The following UNC80 variants were observed in gnomAD, a reference collection of about 807,000 sequenced individuals.
UNC80 encodes the protein protein unc-80 homolog.
Under a neutral mutation model 384.6 loss-of-function variants are expected in UNC80, and 164 were observed. The observed-to-expected ratio is 0.43, with a 90% CI of 0.38 to 0.49. The LOEUF (loss-of-function observed/expected upper bound fraction) is 0.49. Among genes scored for constraint, UNC80 ranks in the 20% least tolerant of loss-of-function variants. The pLI is 0.00. For missense variants in UNC80, 3,330 were observed against 4,143.0 expected, an observed-to-expected ratio of 0.80 and a Z score of 5.39; for synonymous variants, 1,486 against 1,527.8, an observed-to-expected ratio of 0.97 and a Z score of 0.64.
chr2:209,943,201 A>C (rs1349335336), intron 44 of UNC80, among the ~76,000 whole-genome samples, 179 bp from the exon 45 acceptor site: 1 of 152,162 alleles, frequency 6.6e-6, no homozygotes, highest in Non-Finnish European at 1.5e-5. Context: ...GATTTTCAGC[A>C]TTTTGAGGTG....
intron 22 of UNC80, among the ~76,000 whole-genome samples, chr2:209,871,346 T>C (rs1404814159): frequency 1.3e-5 from 2 of 152,124 alleles, no homozygotes; most frequent in Non-Finnish European, 2.9e-5. Flanking sequence ...TCATGCTATA[T>C]GATAGTGAAA....
intron 22 of UNC80, among the ~76,000 whole-genome samples, chr2:209,861,458 A>G (rs2083336670): frequency 6.6e-6 from 1 of 152,168 alleles, no homozygotes; most frequent in Non-Finnish European, 1.5e-5. Flanking sequence ...CCAGTATTTT[A>G]TTGAGGATTT....
chr2:209,836,461 G>A (rs1252247891), intron 18 of UNC80, among the ~76,000 whole-genome samples: 1 of 152,158 alleles, frequency 6.6e-6, no homozygotes, highest in Non-Finnish European at 1.5e-5. Flanking sequence ...ATATTTCTAG[G>A]TTATTAAGTT....
chr2:209,794,476 A>G (rs1454256114), intron 7 of UNC80, among the ~76,000 whole-genome samples: 1 of 152,208 alleles, frequency 6.6e-6, no homozygotes, highest in African/African-American at 2.4e-5. Flanking sequence ...ATTATAGCCT[A>G]GTAATACATA....
intron 61 of UNC80, among the ~76,000 whole-genome samples, chr2:209,985,127 A>T (rs922008265): frequency 6.6e-5 from 10 of 152,218 alleles, no homozygotes; most frequent in Admixed American, 5.9e-4. Context: ...ATGTCAATCA[A>T]GTAAGCCTGA....
intron 52 of UNC80, 122 bp from the exon 53 acceptor site, chr2:209,969,646 G>A (rs2125010876): frequency 1.5e-6 from 2 of 1,360,966 alleles, no homozygotes; most frequent in Non-Finnish European, 2.0e-6. Flanking sequence ...GAACAATATG[G>A]GTAAACTTCA....
intron 8 of UNC80, 128 bp downstream of exon 8, chr2:209,813,969 T>C: frequency 1.7e-6 from 2 of 1,152,978 alleles, no homozygotes; most frequent in South Asian, 3.3e-5. Flanking sequence ...ACACTGTTTC[T>C]ATTATCTTTT....
At chr2:209,953,700 T>C (rs968684946) in intron 47 of UNC80, among the ~76,000 whole-genome samples, 1 of 152,174 alleles carries the variant, frequency 6.6e-6, no homozygotes, top group African/African-American at 2.4e-5. Flanking sequence ...TGAAAGGGTT[T>C]TATGTTGTCT....
At chr2:209,949,514 G>T (rs1024566221) in intron 47 of UNC80, among the ~76,000 whole-genome samples, 1 of 151,954 alleles carries the variant, frequency 6.6e-6, no homozygotes, top group Non-Finnish European at 1.5e-5. Context: ...TCTTGCTCTT[G>T]TTGCCCAGGC....
rs562148567 is a variant in UNC80, at chr2:209,954,819, T to C, written c.7457+549T>C. On this transcript the variant is annotated intron_variant, in intron 48 of 64. Transcript: ENST00000673920. ...TTCTCTGTGGGACAGGATTAAATAA[T>C]GCGGAGAGAGGATTGAGAAATTTGG... Among the ~76,000 whole-genome samples, 134 of 152,260 alleles carry C rather than the reference T, an allele frequency of 8.8e-4. 3 individuals carry two copies. The highest frequency in any genetic ancestry group is 8.8e-3 in the Admixed American group (134 of 15,288).
chr2:209,957,541 A>G (rs1349272597), intron 48 of UNC80, 103 bp from the exon 49 acceptor site: 1 of 1,070,916 alleles, frequency 9.3e-7, no homozygotes, highest in African/African-American at 1.6e-5. Context: ...CTCTAAAACT[A>G]ACTTAAAACT....
intron 13 of UNC80, among the ~76,000 whole-genome samples, 170 bp downstream of exon 13, chr2:209,820,849 G>T (rs759059795): frequency 8.5e-5 from 13 of 152,196 alleles, no homozygotes; most frequent in Non-Finnish European, 1.9e-4. Flanking sequence ...AGCAGAAACA[G>T]TTGAATGCAA....
intron 35 of UNC80, among the ~76,000 whole-genome samples, chr2:209,926,077 T>A (rs2124959207): frequency 6.6e-6 from 1 of 152,356 alleles, no homozygotes; most frequent in East Asian, 1.9e-4. Flanking sequence ...AATTTGTTAT[T>A]GTATTTATCA....
chr2:209,896,499 T>A, intron 28 of UNC80, 86 bp downstream of exon 28: 4 of 1,105,502 alleles, frequency 3.6e-6, no homozygotes, highest in Non-Finnish European at 5.4e-6. Flanking sequence ...GAGATTATAC[T>A]AAATCATCAA....
intron 47 of UNC80, among the ~76,000 whole-genome samples, chr2:209,953,550 A>G (rs2092287680): frequency 2.0e-5 from 3 of 152,118 alleles, no homozygotes; most frequent in South Asian, 2.1e-4. Flanking sequence ...TGGCACCCCA[A>G]TACTAAATTG....
intron 6 of UNC80, among the ~76,000 whole-genome samples, chr2:209,792,118 A>G (rs1234254435): frequency 6.6e-6 from 1 of 152,170 alleles, no homozygotes; most frequent in Non-Finnish European, 1.5e-5. Context: ...AGCCTGGGCA[A>G]TATGGCAAAA....
chr2:209,939,309 G>A (rs1219961168), intron 42 of UNC80, among the ~76,000 whole-genome samples, 163 bp from the exon 43 acceptor site: 1 of 152,160 alleles, frequency 6.6e-6, no homozygotes, highest in Non-Finnish European at 1.5e-5. Context: ...GCTCTTGCTT[G>A]TGGTAAAGGA....
chr2:209,939,329 A>G, intron 42 of UNC80, 143 bp from the exon 43 acceptor site: 1 of 736,776 alleles, frequency 1.4e-6, no homozygotes, highest in South Asian at 2.4e-5. Flanking sequence ...ATAAAAACAC[A>G]TGTCTCCCTC....
At chr2:209,895,909 C>T (rs1204876463) in intron 27 of UNC80, among the ~76,000 whole-genome samples, 1 of 152,158 alleles carries the variant, frequency 6.6e-6, no homozygotes, top group East Asian at 1.9e-4. Context: ...AGTCACAGAA[C>T]AGTGGAGGCA....
Sources: gnomAD v4.1 joint callset for allele counts (sites outside exome capture counted in the v4.1 genomes callset) on GRCh38, gnomAD v4.1.1 for gene constraint, MANE v1.5 for transcripts, NCBI Gene and HGNC (gene_info 2026-07-23, HGNC 2026-07-21) for gene names.